Variants in SLC28A2 observed in about 807,000 individuals in gnomAD.
SLC28A2 encodes the protein solute carrier family 28 member 2, also known as sodium/nucleoside cotransporter 2.
Under a neutral mutation model 72.9 loss-of-function variants are expected in SLC28A2, and 69 were observed. The observed-to-expected ratio is 0.95, with a 90% CI of 0.78 to 1.16. SLC28A2 has a LOEUF of 1.16. Among genes scored for constraint, SLC28A2 ranks in the 50% most tolerant of loss-of-function variants. The probability of loss-of-function intolerance (pLI) is 0.00; values close to 1 mark genes in which losing one functional copy is unlikely to be tolerated. For synonymous variants in SLC28A2, 296 were observed against 294.1 expected (o/e 1.01, Z -0.07); for missense variants, 745 against 791.1 (o/e 0.94, Z 0.70).
At chr15:45,273,793 G>A (rs978649394) in intron 17 of SLC28A2, among the ~76,000 whole-genome samples, 1 of 152,210 alleles carries the variant, frequency 6.6e-6, no homozygotes, top group African/African-American at 2.4e-5. Context: ...ATAGGAGGAA[G>A]AGGTGGGGTG....
chr15:45,259,983 C>T (rs1366581780), intron 3 of SLC28A2, among the ~76,000 whole-genome samples: 1 of 152,140 alleles, frequency 6.6e-6, no homozygotes, highest in East Asian at 1.9e-4. Context: ...TTATCTAGTA[C>T]ATCGGTTTAG....
In SLC28A2 at chr15:45,265,643, G is replaced by A; in HGVS notation, c.841G>A (p.Val281Met). Reference sequence around the variant, plus strand: ...GTCCATTCTCTACTACCTGGGCCTTGTGCAATGGGTAGTTCAGAAGGTGAG... The same window carrying A: ...GTCCATTCTCTACTACCTGGGCCTTATGCAATGGGTAGTTCAGAAGGTGAG... Reference protein sequence around the residue: ...VVSILYYLGLVQWVVQKVAWF... With the variant: ...VVSILYYLGLMQWVVQKVAWF... The change falls in exon 9 of 18, where the codon GTG becomes ATG. Residue 281 changes from valine to methionine, a missense_variant. Transcript: ENST00000347644. 1.2e-6 allele frequency: 2 copies of A among 1,612,112 alleles called. No homozygotes were observed. The highest frequency in any genetic ancestry group is 1.7e-6 in the Non-Finnish European group (2 of 1,178,194).
chr15:45,253,557 G>A, intron 3 of SLC28A2, 37 bp downstream of exon 3: 5 of 1,451,126 alleles, frequency 3.4e-6, no homozygotes, highest in Non-Finnish European at 4.8e-6. Context: ...GTTAGGAAAG[G>A]ATCTAGGGTG....
Position 45,253,476 on chromosome 15 carries a change from A to G in SLC28A2, c.126A>G (p.Gln42=). ...AGGGAAGCAAGAGGACTGACGCACA[A>G]GGACACAGCCTGGGGGATGGACTGG... is the stretch of plus-strand genomic sequence containing the variant. ...EPEGSKRTDA[Q]GHSLGDGLGP... The change falls in exon 3 of 18, where the codon CAA becomes CAG. Residue 42 remains glutamine (Q), a synonymous_variant. Coordinates refer to ENST00000347644, the MANE Select transcript of SLC28A2 (RefSeq NM_004212.4). 1.2e-6 allele frequency: 2 copies of G among 1,614,034 alleles called. No homozygotes were observed. The highest frequency in any genetic ancestry group is 8.5e-7 in the Non-Finnish European group (1 of 1,179,896).
chr15:45,271,804 C>A, intron 15 of SLC28A2: 1 of 152,812 alleles, frequency 6.5e-6, no homozygotes. Flanking sequence ...TTGTTCTAGT[C>A]TTGATGCCTG....
At position 45,265,075 on chromosome 15, in the gene SLC28A2, T is replaced by G. The variant is rs753651332; in HGVS notation, c.703-14T>G. The G allele has an allele frequency of 9.4e-6, 15 of 1,598,866 alleles. No individual in the cohort carries two copies. The South Asian group carries it at 1.5e-4, about 16-fold the overall frequency. ...TCATTCTTATTCTCTGTCTTTTTCT[T>G]TTTTTCCCTTCAGATTTTCCTGAAC... is the stretch of plus-strand genomic sequence containing the variant. On this transcript the variant is annotated splice_polypyrimidine_tract_variant and intron_variant, in intron 7 of 17. Coordinates refer to ENST00000347644, the MANE Select transcript of SLC28A2 (RefSeq NM_004212.4).
chr15:45,253,995 A>G (rs1899893501), intron 3 of SLC28A2: 1 of 154,160 alleles, frequency 6.5e-6, no homozygotes, highest in Non-Finnish European at 1.4e-5. Context: ...AAAAGATCTT[A>G]GAAGTCAAAA....
chr15:45,253,667 G>T, intron 3 of SLC28A2, 147 bp downstream of exon 3: 2 of 555,504 alleles, frequency 3.6e-6, no homozygotes. Context: ...ACTTAAACAT[G>T]TGCCATAAAC....
At chr15:45,258,196 C>A (rs1016280547) in intron 3 of SLC28A2, among the ~76,000 whole-genome samples, 1 of 152,084 alleles carries the variant, frequency 6.6e-6, no homozygotes, top group African/African-American at 2.4e-5. Context: ...GCACTCCAGC[C>A]TGGGCAACAG....
intron 13 of SLC28A2, among the ~76,000 whole-genome samples, chr15:45,268,900 A>T (rs1900436533): frequency 6.6e-6 from 1 of 151,854 alleles, no homozygotes; most frequent in Non-Finnish European, 1.5e-5. Context: ...CATCATTCTC[A>T]GTAAACTATT....
At chr15:45,257,040 T>C (rs1899999332) in intron 3 of SLC28A2, among the ~76,000 whole-genome samples, 1 of 152,232 alleles carries the variant, frequency 6.6e-6, no homozygotes, top group South Asian at 2.1e-4. Context: ...AATGCCACCC[T>C]ATGCTCTAGT....
chr15:45,258,659 T>A (rs914894907), intron 3 of SLC28A2, among the ~76,000 whole-genome samples: 10 of 152,242 alleles, frequency 6.6e-5, no homozygotes, highest in Admixed American at 2.0e-4. Flanking sequence ...TTCTTCCATA[T>A]TATTGCATAT....
Position 45,265,139 on chromosome 15 carries a change from A to G in SLC28A2, c.753A>G (p.Thr251=), listed in dbSNP as rs149056859. 36 of 1,611,472 alleles carry G rather than the reference A, an allele frequency of 2.2e-5. No homozygotes were observed. The highest frequency in any genetic ancestry group is 4.0e-5 in the African/African-American group (3 of 74,718). Residue 251 remains threonine (T), a synonymous_variant, in exon 8 of 18, where the codon ACA becomes ACG. Transcript: ENST00000347644. ...VAGSSFVFGD[T]LVKDVFAFQA... is the part of the protein sequence containing the mutation. ...GCTCCAGTTTTGTCTTTGGGGATAC[A>G]CTGGTCAAGGATGTCTTTGCTTTTC...
At chr15:45,272,881 T>C (rs1267013223) in intron 17 of SLC28A2, 97 bp downstream of exon 17, 2 of 685,982 alleles carry the variant, frequency 2.9e-6, no homozygotes, top group Admixed American at 4.8e-5. Context: ...GGGCTGTGAG[T>C]ATTGGTAATG....
rs759530826 is a variant in SLC28A2 at position 45,267,825 on chromosome 15, A to G, written c.1199+29A>G. ...AGTCCAAGGAGGCATATACTTTGGG[A>G]GATGGTGAGCTGTAGTTAAGAGTGG... On this transcript the variant is annotated intron_variant, in intron 12 of 17. Transcript: ENST00000347644. 6 of 1,612,972 alleles carry G rather than the reference A, an allele frequency of 3.7e-6. No homozygotes were observed. The East Asian group carries it at 1.3e-4, about 36-fold the overall frequency.
At chr15:45,253,364 G>A in intron 2 of SLC28A2, 68 bp downstream of exon 2, 1 of 1,555,322 alleles carries the variant, frequency 6.4e-7, no homozygotes, top group Non-Finnish European at 8.9e-7. Context: ...AGGGTATTTG[G>A]CTGCTCTCAA....
intron 9 of SLC28A2, 37 bp downstream of exon 9, chr15:45,265,700 T>A (rs779151851): frequency 7.4e-7 from 1 of 1,357,008 alleles, no homozygotes; most frequent in Admixed American, 1.7e-5. Flanking sequence ...GAGACAGGCC[T>A]TCATCCTGTC....
chr15:45,256,931 C>G (rs1899996439), intron 3 of SLC28A2, among the ~76,000 whole-genome samples: 2 of 152,164 alleles, frequency 1.3e-5, no homozygotes, highest in African/African-American at 4.8e-5. Flanking sequence ...AAGCCAAACT[C>G]CACAGCCTGG....
chr15:45,263,378 C>T, intron 5 of SLC28A2, 134 bp downstream of exon 5: 2 of 799,150 alleles, frequency 2.5e-6, no homozygotes, highest in Non-Finnish European at 3.8e-6. Context: ...AGAAAAATAA[C>T]AATAGGCCTC....
Sources: allele counts gnomAD v4.1 joint callset (sites outside exome capture counted in the v4.1 genomes callset), GRCh38; gene constraint gnomAD v4.1.1; transcripts MANE v1.5; gene names NCBI Gene and HGNC (gene_info 2026-07-23, HGNC 2026-07-21).